TMTC1: variants seen among roughly 807,000 people sequenced by gnomAD.
TMTC1 encodes protein O-mannosyl-transferase TMTC1.
TMTC1 carries 73 observed loss-of-function variants against 104.8 expected under a neutral mutation model. The ratio of observed to expected loss-of-function variants is 0.70; its 90% CI spans 0.58 to 0.85. The LOEUF (loss-of-function observed/expected upper bound fraction) is 0.85. Ranked by LOEUF, TMTC1 falls within the 40% of genes least tolerant of loss-of-function variation. The pLI, the probability that TMTC1 is intolerant of heterozygous loss-of-function variation, is 0.00. For synonymous variants in TMTC1, 434 were observed against 428.7 expected (o/e 1.01, Z -0.15); for missense variants, 1,035 against 1,096.1 (o/e 0.94, Z 0.79).
In TMTC1 at chr12:29,506,732, C is replaced by T. The variant is rs965208405; in HGVS notation, c.*114G>A. ...GTCCCAAAATGTGTCACCCTGAACTCGGAATGAGAGAAAATCTCATTAGTT... is the reference window on the plus strand; with the variant it reads ...GTCCCAAAATGTGTCACCCTGAACTTGGAATGAGAGAAAATCTCATTAGTT... On this transcript the variant is annotated 3_prime_UTR_variant, in exon 18 of 18. Transcript: ENST00000539277. 21 of 1,363,636 alleles carry T rather than the reference C, an allele frequency of 1.5e-5. No homozygotes were observed. Among genetic ancestry groups the T allele is most frequent in the Middle Eastern group, 2.6e-4 (1 of 3,872 alleles). The allele number at this position is 1,363,636 out of a possible 1,614,324, so 84.5% of individuals were successfully genotyped here.
chr12:29,539,606 T>G (rs921611288), intron 10 of TMTC1, among the ~76,000 whole-genome samples: 4 of 152,230 alleles, frequency 2.6e-5, no homozygotes, highest in African/African-American at 9.6e-5. Context: ...TGGGTGGCCT[T>G]TGGCATCTAT....
chr12:29,643,683 T>TATATATAATATATAAC (rs1939033332), intron 5 of TMTC1, among the ~76,000 whole-genome samples: 3 of 13,632 alleles, frequency 2.2e-4, no homozygotes, highest in Admixed American at 1.6e-3. Flanking sequence ...ATCTATATAT[T>TATATATAATATATAAC]ATATATATTA....
At chr12:29,757,611 G>A (rs1272156569) in intron 3 of TMTC1, among the ~76,000 whole-genome samples, 1 of 152,086 alleles carries the variant, frequency 6.6e-6, no homozygotes, top group African/African-American at 2.4e-5. Context: ...CATGAAACTG[G>A]GCAACATGGT....
At chr12:29,685,963 AAGCCAC>A (rs1941080141) in intron 5 of TMTC1, among the ~76,000 whole-genome samples, 1 of 151,364 alleles carries the variant, frequency 6.6e-6, no homozygotes, top group Non-Finnish European at 1.5e-5. Context: ...GAGCCTGGAA[AAGCCAC>A]TTTTCTTGAT....
intron 5 of TMTC1, among the ~76,000 whole-genome samples, chr12:29,697,936 T>C (rs1941472589): frequency 1.3e-5 from 2 of 152,126 alleles, no homozygotes; most frequent in Admixed American, 6.5e-5. Context: ...TTTGACCAAA[T>C]ATGTAGGCAC....
At chr12:29,761,612 T>A (rs1943351164) in intron 2 of TMTC1, among the ~76,000 whole-genome samples, 1 of 148,154 alleles carries the variant, frequency 6.7e-6, no homozygotes, top group Non-Finnish European at 1.5e-5. Context: ...AATAAGAGAG[T>A]CAAGGGAAAA....
At chr12:29,623,051 A>G (rs1345960243) in intron 6 of TMTC1, among the ~76,000 whole-genome samples, 1 of 152,020 alleles carries the variant, frequency 6.6e-6, no homozygotes, top group Non-Finnish European at 1.5e-5. Flanking sequence ...TAAAACATCT[A>G]CTCTTTGAGT....
intron 5 of TMTC1, among the ~76,000 whole-genome samples, chr12:29,741,693 C>A (rs1942831071): frequency 1.3e-5 from 2 of 152,166 alleles, no homozygotes; most frequent in African/African-American, 4.8e-5. Flanking sequence ...CAGTGACTTT[C>A]CATTGTTCAG....
Position 29,509,079 on chromosome 12 carries a change from G to A in TMTC1, c.2509-2093C>T, listed in dbSNP as rs1004786442. ...CTCAGTTGCACCAGCCATATTTCAA[G>A]TGCTCAGTAGCCATGTGTAGCTAGT... On this transcript the variant is annotated intron_variant, in intron 17 of 17. Transcript: ENST00000539277. Among the ~76,000 whole-genome samples the A allele has an allele frequency of 1.2e-4, 18 of 152,092 alleles. 1 individual carries two copies. The highest frequency in any genetic ancestry group is 3.9e-4 in the Admixed American group (6 of 15,270).
At chr12:29,720,257 C>G (rs543744438) in intron 5 of TMTC1, among the ~76,000 whole-genome samples, 10 of 152,290 alleles carry the variant, frequency 6.6e-5, no homozygotes, top group African/African-American at 2.4e-4. Flanking sequence ...TACAATTCTC[C>G]AAGCTAGATC....
chr12:29,518,394 A>G lies in TMTC1; in HGVS notation c.2024+78T>C, dbSNP rs1944051273. 2.8e-5 allele frequency: 43 copies of G among 1,546,888 alleles called. No individual in the cohort carries two copies. In the South Asian group the frequency reaches 4.9e-4, roughly 18 times the overall value. ...TTGCTAGTATTCTGAGAGCACACCTATTCTGATTAACTAAGAAGCTGATGA... is the reference window on the plus strand; with the variant it reads ...TTGCTAGTATTCTGAGAGCACACCTGTTCTGATTAACTAAGAAGCTGATGA... On this transcript the variant is annotated intron_variant, in intron 13 of 17. Transcript: ENST00000539277.
At chr12:29,750,900 T>A (rs1486155599) in intron 5 of TMTC1, among the ~76,000 whole-genome samples, 4 of 152,180 alleles carry the variant, frequency 2.6e-5, no homozygotes, top group African/African-American at 9.7e-5. Flanking sequence ...ACCAATCAAA[T>A]ATTTCCTTTG....
chr12:29,738,818 G>A (rs1293948865), intron 5 of TMTC1, among the ~76,000 whole-genome samples: 2 of 152,172 alleles, frequency 1.3e-5, no homozygotes, highest in Non-Finnish European at 2.9e-5. Context: ...ATGGATACAT[G>A]ACACAGTTTC....
intron 10 of TMTC1, among the ~76,000 whole-genome samples, chr12:29,548,535 A>G (rs754116457): frequency 6.6e-6 from 1 of 151,990 alleles, no homozygotes; most frequent in Non-Finnish European, 1.5e-5. Flanking sequence ...TTTATAAAGT[A>G]CAGTTCCCCT....
At chr12:29,763,378 G>A (rs979206854) in intron 2 of TMTC1, among the ~76,000 whole-genome samples, 1 of 152,184 alleles carries the variant, frequency 6.6e-6, no homozygotes, top group Non-Finnish European at 1.5e-5. Flanking sequence ...TCTAAAAACA[G>A]GTGCTATAAT....
chr12:29,654,745 G>T (rs1939677399), intron 5 of TMTC1, among the ~76,000 whole-genome samples: 1 of 151,670 alleles, frequency 6.6e-6, no homozygotes, highest in Non-Finnish European at 1.5e-5. Context: ...GAGATGTATG[G>T]TATAGCCATA....
At chr12:29,545,958 C>G (rs1372553277) in intron 10 of TMTC1, among the ~76,000 whole-genome samples, 1 of 152,168 alleles carries the variant, frequency 6.6e-6, no homozygotes, top group Non-Finnish European at 1.5e-5. Flanking sequence ...GCACTTTATA[C>G]ACGAGCAGTT....
chr12:29,697,658 C>A (rs560935940), intron 5 of TMTC1, among the ~76,000 whole-genome samples: 2 of 152,202 alleles, frequency 1.3e-5, no homozygotes, highest in East Asian at 3.9e-4. Flanking sequence ...GACTGGCGGG[C>A]CAAAGACACA....
intron 5 of TMTC1, among the ~76,000 whole-genome samples, chr12:29,726,517 T>A (rs1591980735): frequency 6.6e-6 from 1 of 152,164 alleles, no homozygotes. Flanking sequence ...AAACAGGGCA[T>A]GTAGCCAAGA....
Sources: gnomAD v4.1 joint callset for allele counts (sites outside exome capture counted in the v4.1 genomes callset) on GRCh38, gnomAD v4.1.1 for gene constraint, MANE v1.5 for transcripts, NCBI Gene and HGNC (gene_info 2026-07-23, HGNC 2026-07-21) for gene names.